The following DGKB variants were observed in gnomAD, a reference collection of about 807,000 sequenced individuals.
DGKB encodes the protein diacylglycerol kinase beta.
Under a neutral mutation model 114.3 loss-of-function variants are expected in DGKB, and 67 were observed. The observed-to-expected ratio is 0.59, with a 90% CI of 0.48 to 0.72. The LOEUF (loss-of-function observed/expected upper bound fraction) is 0.72. DGKB is among the 30% of genes least tolerant of loss of function. The pLI, the probability that DGKB is intolerant of heterozygous loss-of-function variation, is 0.00. For synonymous variants in DGKB, 398 were observed against 323.1 expected, an observed-to-expected ratio of 1.23 and a Z score of -2.49; for missense variants, 907 against 975.2, an observed-to-expected ratio of 0.93 and a Z score of 0.93.
rs139307551 is a variant in DGKB, at chr7:14,824,965, A to G, written c.70+16229T>C. ...AACAAACTAATATGTACCTAAATCC[A>G]TATATACATATTTATCTCATATATG... On this transcript the variant is annotated intron_variant, in intron 2 of 25. Transcript: ENST00000402815. Among the ~76,000 whole-genome samples the G allele has an allele frequency of 2.3e-3, 337 of 147,352 alleles. 10 individuals carry two copies. In the East Asian group the frequency reaches 0.026, roughly 12 times the overall value.
chr7:14,304,341 G>T (rs1354941952), intron 23 of DGKB, among the ~76,000 whole-genome samples: 6 of 151,690 alleles, frequency 4.0e-5, no homozygotes, highest in African/African-American at 1.5e-4. Flanking sequence ...TTTATATTGC[G>T]GTGTTTTATA....
At chr7:14,871,958 A>G (rs1170803547) in intron 1 of DGKB, among the ~76,000 whole-genome samples, 1 of 152,178 alleles carries the variant, frequency 6.6e-6, no homozygotes, top group Non-Finnish European at 1.5e-5. Context: ...TAAAGCTTCT[A>G]TGATTTATAC....
chr7:14,875,630 AAATT>A (rs1853162615), intron 1 of DGKB, among the ~76,000 whole-genome samples: 2 of 152,178 alleles, frequency 1.3e-5, no homozygotes, highest in Admixed American at 6.5e-5. Flanking sequence ...AAATTCATGA[AAATT>A]AATAAGTGTG....
At chr7:14,817,153 G>A (rs377333427) in intron 2 of DGKB, among the ~76,000 whole-genome samples, 6 of 152,126 alleles carry the variant, frequency 3.9e-5, no homozygotes, top group African/African-American at 7.2e-5. Context: ...CATCTTCCTC[G>A]GGGATCTTGA....
At chr7:14,592,748 A>G (rs1392180682) in intron 17 of DGKB, among the ~76,000 whole-genome samples, 1 of 151,810 alleles carries the variant, frequency 6.6e-6, no homozygotes, top group Non-Finnish European at 1.5e-5. Flanking sequence ...AAATGGGGGA[A>G]AGGTTATTTC....
intron 20 of DGKB, 89 bp from the exon 21 acceptor site, chr7:14,478,314 CA>C (rs538838620): frequency 3.8e-5 from 30 of 788,578 alleles, no homozygotes; most frequent in Non-Finnish European, 5.7e-5. Context: ...AATAACATTT[CA>C]AAATGAACTT....
At chr7:14,496,178 C>A (rs1033888897) in intron 20 of DGKB, among the ~76,000 whole-genome samples, 4 of 151,664 alleles carry the variant, frequency 2.6e-5, no homozygotes, top group Admixed American at 2.0e-4. Context: ...ATAAATAGTT[C>A]ATGTTTCATC....
intron 5 of DGKB, among the ~76,000 whole-genome samples, chr7:14,734,081 C>T (rs1273561588): frequency 6.6e-6 from 1 of 151,688 alleles, no homozygotes. Flanking sequence ...TGTTGCCAGC[C>T]TGGAGTGCAG....
intron 17 of DGKB, among the ~76,000 whole-genome samples, chr7:14,601,325 G>T (rs144738740): frequency 3.9e-3 from 600 of 152,038 alleles, no homozygotes; most frequent in African/African-American, 0.013. Flanking sequence ...TGTCCTCAAG[G>T]CCCTGACACT....
chr7:14,548,485 T>C (rs1272045415), intron 20 of DGKB, among the ~76,000 whole-genome samples: 5 of 152,078 alleles, frequency 3.3e-5, no homozygotes, highest in African/African-American at 1.2e-4. Flanking sequence ...TTGTAACTCC[T>C]GAATGAGGAA....
At chr7:14,196,815 CT>C (rs1562590228) in intron 23 of DGKB, among the ~76,000 whole-genome samples, 1 of 151,716 alleles carries the variant, frequency 6.6e-6, no homozygotes, top group East Asian at 1.9e-4. Flanking sequence ...AAAATAAGCC[CT>C]TGTATATAGA....
intron 23 of DGKB, among the ~76,000 whole-genome samples, chr7:14,319,541 G>T (rs945194539): frequency 6.6e-6 from 1 of 152,074 alleles, no homozygotes; most frequent in South Asian, 2.1e-4. Context: ...AACAATAGAT[G>T]TACCTCACAT....
intron 21 of DGKB, among the ~76,000 whole-genome samples, chr7:14,459,053 G>A (rs888338107): frequency 7.9e-5 from 12 of 152,114 alleles, no homozygotes; most frequent in Non-Finnish European, 1.2e-4. Context: ...TTGAGTAGGC[G>A]GTTTTACCCT....
chr7:14,399,390 G>A lies in DGKB; in HGVS notation c.1836-53999C>T, dbSNP rs145656644. ...TTTATAATCAATAGCTCCAGTTAAT[G>A]CCCTAAAACCTAAATATTAGTGAGA... On this transcript the variant is annotated intron_variant, in intron 21 of 25. Coordinates refer to ENST00000402815, the MANE Select transcript of DGKB (RefSeq NM_001350709.2). 5.7e-3 allele frequency among the ~76,000 whole-genome samples: 862 copies of A among 151,694 alleles called. 5 individuals are homozygous for A. Among genetic ancestry groups the A allele is most frequent in the African/African-American group, 0.019 (801 of 41,440 alleles).
intron 6 of DGKB, among the ~76,000 whole-genome samples, chr7:14,716,555 T>C (rs543729261): frequency 6.6e-6 from 1 of 152,322 alleles, no homozygotes; most frequent in East Asian, 1.9e-4. Flanking sequence ...TTTATTAAAC[T>C]AACAATCAAC....
intron 23 of DGKB, among the ~76,000 whole-genome samples, chr7:14,278,697 C>T (rs1392358464): frequency 6.6e-6 from 1 of 151,876 alleles, no homozygotes; most frequent in Non-Finnish European, 1.5e-5. Flanking sequence ...GAAAGGACAG[C>T]CTACACAATG....
At chr7:14,694,817 C>T (rs1221456035) in intron 8 of DGKB, among the ~76,000 whole-genome samples, 1 of 152,070 alleles carries the variant, frequency 6.6e-6, no homozygotes, top group East Asian at 1.9e-4. Flanking sequence ...ATTAAATAAG[C>T]TAACGTATTA....
chr7:14,341,091 A>G (rs1191729257), intron 22 of DGKB, among the ~76,000 whole-genome samples: 1 of 151,736 alleles, frequency 6.6e-6, no homozygotes, highest in African/African-American at 2.4e-5. Flanking sequence ...GAGTTTTGTC[A>G]TGTGTAGTTT....
rs1033389876 is a variant in DGKB, at chr7:14,176,976, T to G, written c.2244-77A>C. The G allele has an allele frequency of 5.1e-6, 8 of 1,572,898 alleles. No homozygotes were observed. The African/African-American group carries it at 1.1e-4, about 21-fold the overall frequency. On this transcript the variant is annotated intron_variant, in intron 24 of 25. Transcript: ENST00000402815. The stretch of plus-strand genomic sequence containing the variant: ...AGACTATATGTGAGATATAAGATGA[T>G]GAGACCAGGGAAGGCAATATGGTAA...
Sources: allele counts gnomAD v4.1 joint callset (sites outside exome capture counted in the v4.1 genomes callset), GRCh38; gene constraint gnomAD v4.1.1; transcripts MANE v1.5; gene names NCBI Gene and HGNC (gene_info 2026-07-23, HGNC 2026-07-21).